Variants in LPCAT2 observed in about 807,000 individuals in gnomAD.
LPCAT2 encodes the protein 1-AGP acyltransferase 11.
A neutral mutation model predicts 64.7 loss-of-function variants in LPCAT2; 58 were observed. That is an observed-to-expected ratio of 0.90 (90% CI 0.73 to 1.12). LPCAT2 has a LOEUF of 1.12. Among genes scored for constraint, LPCAT2 ranks in the 50% most tolerant of loss-of-function variants. The pLI is 0.00. For synonymous variants in LPCAT2, 252 were observed against 245.3 expected, an observed-to-expected ratio of 1.03 and a Z score of -0.26; for missense variants, 579 against 669.8, an observed-to-expected ratio of 0.86 and a Z score of 1.50.
chr16:55,575,801 T>A (rs748042766), intron 12 of LPCAT2, among the ~76,000 whole-genome samples: 2 of 152,226 alleles, frequency 1.3e-5, no homozygotes, highest in Admixed American at 6.5e-5. Flanking sequence ...TCAGATTGGT[T>A]TAAACTGAGT....
chr16:55,541,669 C>A, intron 8 of LPCAT2: 1 of 279,002 alleles, frequency 3.6e-6, no homozygotes, highest in Non-Finnish European at 7.1e-6. Flanking sequence ...TTACTACCTA[C>A]CTGTATGTAC....
At position 55,509,083 on chromosome 16, in the gene LPCAT2, A is replaced by G. The variant is rs759307530; in HGVS notation, c.-99A>G. 154 of 1,069,554 alleles carry G rather than the reference A, an allele frequency of 1.4e-4. No homozygotes were observed. The highest frequency in any genetic ancestry group is 1.8e-4 in the Non-Finnish European group (145 of 827,474). 66.3% of individuals were successfully genotyped at this position (1,069,554 alleles called of 1,614,324 possible). On this transcript the variant is annotated 5_prime_UTR_variant, in exon 1 of 14. Coordinates refer to ENST00000262134, the MANE Select transcript of LPCAT2 (RefSeq NM_017839.5). ...TTCAGCGCCTGCGCAGAGGCTCCCC[A>G]GCGTCGCCCTAGGCTGGGACTCTAG...
chr16:55,512,304 C>T (rs1962944011), intron 1 of LPCAT2, among the ~76,000 whole-genome samples: 1 of 152,168 alleles, frequency 6.6e-6, no homozygotes, highest in South Asian at 2.1e-4. Context: ...ACAATGTAGA[C>T]AAACAATTAT....
intron 2 of LPCAT2, 49 bp downstream of exon 2, chr16:55,525,696 A>T (rs201537072): frequency 1.9e-4 from 266 of 1,413,854 alleles, no homozygotes; most frequent in Middle Eastern, 1.3e-3. Flanking sequence ...TTAAATTAAG[A>T]TATACTAAAT....
Position 55,534,493 on chromosome 16 carries a change from CT to C in LPCAT2, c.797+17del. ...GATATACATTGTAAGTCACTTATGTCTATTATTAGTTTATATAAATTTTATT... is the reference window on the plus strand; with the variant it reads ...GATATACATTGTAAGTCACTTATGTCATTATTAGTTTATATAAATTTTATT... On this transcript the variant is annotated intron_variant, in intron 7 of 13. Transcript: ENST00000262134. 1 of 1,290,408 alleles carries C rather than the reference CT, an allele frequency of 7.7e-7. No individual in the cohort carries two copies. Among genetic ancestry groups the C allele is most frequent in the South Asian group, 1.6e-5 (1 of 64,446 alleles). The allele number at this position is 1,290,408 out of a possible 1,614,324, so 79.9% of individuals were successfully genotyped here. A position where few individuals can be genotyped will look rare whatever the true frequency, so the allele number is the denominator to read the frequency against.
chr16:55,581,301 A>T (rs1212897016), intron 13 of LPCAT2, among the ~76,000 whole-genome samples: 1 of 152,102 alleles, frequency 6.6e-6, no homozygotes, highest in Non-Finnish European at 1.5e-5. Context: ...ATCTATTTTT[A>T]TTTTTTTCTA....
At chr16:55,539,977 T>C (rs531214982) in intron 8 of LPCAT2, 1 of 152,170 alleles carries the variant, frequency 6.6e-6, no homozygotes, top group South Asian at 2.1e-4. Context: ...TTAGACAGTC[T>C]TGCTTTTGTG....
intron 11 of LPCAT2, chr16:55,566,848 AAGG>A: frequency 1.2e-6 from 2 of 1,613,814 alleles, no homozygotes; most frequent in Non-Finnish European, 1.7e-6. Context: ...CAGAGAAGAG[AAGG>A]AGGAGGAAGA....
At chr16:55,538,291 C>G (rs1177830629) in intron 8 of LPCAT2, 1 of 152,166 alleles carries the variant, frequency 6.6e-6, no homozygotes, top group African/African-American at 2.4e-5. Flanking sequence ...TCGGTTTTAG[C>G]AGTACCCTCA....
chr16:55,552,481 AC>A (rs1963528692), intron 11 of LPCAT2, among the ~76,000 whole-genome samples: 1 of 152,060 alleles, frequency 6.6e-6, no homozygotes, highest in Non-Finnish European at 1.5e-5. Flanking sequence ...AAGAGTAAGA[AC>A]CCTTTGTTTT....
At chr16:55,563,161 C>T (rs765722918) in intron 11 of LPCAT2, among the ~76,000 whole-genome samples, 54 of 151,926 alleles carry the variant, frequency 3.6e-4, no homozygotes, top group Middle Eastern at 6.8e-3. Flanking sequence ...ACACAACCTA[C>T]CAAGACTGAA....
intron 12 of LPCAT2, 133 bp downstream of exon 12, chr16:55,574,862 G>A: frequency 1.6e-6 from 1 of 643,904 alleles, no homozygotes; most frequent in Non-Finnish European, 2.7e-6. Flanking sequence ...GGACAATAAT[G>A]TGATTAAGTC....
chr16:55,560,121 TAAAG>T (rs1198837211), intron 11 of LPCAT2, among the ~76,000 whole-genome samples: 2 of 152,108 alleles, frequency 1.3e-5, no homozygotes, highest in African/African-American at 4.8e-5. Flanking sequence ...CACAAGGAAG[TAAAG>T]AACAAGGCTT....
At chr16:55,531,204 T>C (rs1209686631) in intron 4 of LPCAT2, among the ~76,000 whole-genome samples, 2 of 152,202 alleles carry the variant, frequency 1.3e-5, no homozygotes, top group African/African-American at 2.4e-5. Context: ...AAAAACACTT[T>C]GCTAACTGCT....
chr16:55,557,053 ATGT>A (rs1470635965), intron 11 of LPCAT2: 1 of 151,956 alleles, frequency 6.6e-6, no homozygotes, highest in Non-Finnish European at 1.5e-5. Flanking sequence ...GCTTTTTTTG[ATGT>A]TGTTTGTTTG....
At chr16:55,578,102 C>T (rs1963848168) in intron 12 of LPCAT2, among the ~76,000 whole-genome samples, 1 of 152,122 alleles carries the variant, frequency 6.6e-6, no homozygotes, top group Non-Finnish European at 1.5e-5. Flanking sequence ...TCTTGGTTCT[C>T]CTATCTGGCT....
chr16:55,582,349 G>A (rs577883316), intron 13 of LPCAT2, among the ~76,000 whole-genome samples: 1 of 152,206 alleles, frequency 6.6e-6, no homozygotes, highest in East Asian at 1.9e-4. Context: ...CACCCCTAAA[G>A]TATGTACCTT....
chr16:55,513,816 C>T (rs1373410571), intron 1 of LPCAT2, among the ~76,000 whole-genome samples: 2 of 152,124 alleles, frequency 1.3e-5, no homozygotes, highest in Non-Finnish European at 2.9e-5. Context: ...CTGGTGGCTG[C>T]CTGGAATGCC....
At chr16:55,532,062 G>T in intron 5 of LPCAT2, 88 bp downstream of exon 5, 1 of 863,372 alleles carries the variant, frequency 1.2e-6, no homozygotes, top group Non-Finnish European at 1.9e-6. Context: ...TAACTCTTTA[G>T]CTTGCTCTGA....
Sources: gnomAD v4.1 joint callset for allele counts (sites outside exome capture counted in the v4.1 genomes callset) on GRCh38, gnomAD v4.1.1 for gene constraint, MANE v1.5 for transcripts, NCBI Gene and HGNC (gene_info 2026-07-23, HGNC 2026-07-21) for gene names.